SVEP1: variants seen among roughly 807,000 people sequenced by gnomAD.
SVEP1 encodes sushi, von Willebrand factor type A, EGF and pentraxin domain-containing protein 1.
In SVEP1, 164 loss-of-function variants were observed where a neutral mutation model predicts 367.3. The ratio of observed to expected loss-of-function variants is 0.45; its 90% CI spans 0.39 to 0.51. The LOEUF (loss-of-function observed/expected upper bound fraction) is 0.51, where lower values mean the gene tolerates loss of function less well. Ranked by LOEUF, SVEP1 falls within the 20% of genes least tolerant of loss-of-function variation. The probability of loss-of-function intolerance (pLI) is 0.00; values close to 1 mark genes in which losing one functional copy is unlikely to be tolerated. For missense variants in SVEP1, 4,117 were observed against 4,425.3 expected (o/e 0.93, Z 1.98); for synonymous variants, 1,666 against 1,611.6 (o/e 1.03, Z -0.81).
chr9:110,465,725 A>C (rs967949749), intron 18 of SVEP1, 140 bp downstream of exon 18: 2 of 1,148,936 alleles, frequency 1.7e-6, no homozygotes, highest in African/African-American at 3.1e-5. Flanking sequence ...CTAAACAAAC[A>C]AAAAAACCTC....
intron 23 of SVEP1, among the ~76,000 whole-genome samples, chr9:110,451,003 A>G (rs1269423656): frequency 6.6e-6 from 1 of 152,178 alleles, no homozygotes; most frequent in Non-Finnish European, 1.5e-5. Flanking sequence ...ATGATATTAC[A>G]TGATTTGTCT....
At chr9:110,515,542 C>T (rs907567097) in intron 3 of SVEP1, among the ~76,000 whole-genome samples, 1 of 152,032 alleles carries the variant, frequency 6.6e-6, no homozygotes, top group Non-Finnish European at 1.5e-5. Flanking sequence ...CCTCATGATC[C>T]GCCCGCCTCA....
At chr9:110,465,782 T>A in intron 18 of SVEP1, 83 bp downstream of exon 18, 3 of 1,481,462 alleles carry the variant, frequency 2.0e-6, no homozygotes, top group Non-Finnish European at 2.7e-6. Flanking sequence ...AGTAGATGTA[T>A]GTTTTTGCAG....
intron 9 of SVEP1, among the ~76,000 whole-genome samples, chr9:110,485,577 G>A (rs1483488235): frequency 6.6e-6 from 1 of 151,936 alleles, no homozygotes; most frequent in Middle Eastern, 3.2e-3. Flanking sequence ...CTTGTATCCT[G>A]GAACTTAAAA....
chr9:110,514,074 A>G lies in SVEP1; in HGVS notation c.997T>C (p.Ser333Pro). The change falls in exon 4 of 48, where the codon TCA becomes CCA. Residue 333 changes from serine to proline, a missense_variant. By Grantham distance (74) the Ser-to-Pro change is moderately conservative. Transcript: ENST00000374469. Reference protein sequence around the residue: ...CPSGTYKPEGSPGGISSCIPC... With the variant: ...CPSGTYKPEGPPGGISSCIPC... ...ATGCAACTGCTGATTCCTCCTGGTG[A>G]GCCTTCAGGTTTGTATGTCCCCGAT... The G allele has an allele frequency of 1.2e-6, 2 of 1,611,148 alleles. No homozygotes were observed. The highest frequency in any genetic ancestry group is 8.5e-7 in the Non-Finnish European group (1 of 1,178,620).
chr9:110,485,081 T>C (rs1454244947), intron 9 of SVEP1, among the ~76,000 whole-genome samples: 1 of 152,238 alleles, frequency 6.6e-6, no homozygotes, highest in Non-Finnish European at 1.5e-5. Flanking sequence ...ATCCCATTAC[T>C]GGGTATATAC....
intron 40 of SVEP1, among the ~76,000 whole-genome samples, chr9:110,396,653 T>C (rs934417498): frequency 1.5e-5 from 2 of 133,530 alleles, no homozygotes; most frequent in African/African-American, 5.8e-5. Flanking sequence ...TAAAAAATGA[T>C]AGAGGGGATA....
At chr9:110,502,261 C>T (rs908866496) in intron 6 of SVEP1, among the ~76,000 whole-genome samples, 5 of 151,820 alleles carry the variant, frequency 3.3e-5, no homozygotes, top group Non-Finnish European at 7.4e-5. Context: ...TGCCACCACA[C>T]CTAGCTATTT....
chr9:110,527,883 T>C (rs1829960765), intron 3 of SVEP1, among the ~76,000 whole-genome samples: 1 of 151,694 alleles, frequency 6.6e-6, no homozygotes, highest in Admixed American at 6.6e-5. Flanking sequence ...GAGTCTCCAA[T>C]GTCCATTATA....
At chr9:110,528,156 G>GTGTGTGTGTATGTATATATATATA in intron 3 of SVEP1, among the ~76,000 whole-genome samples, 24 of 33,940 alleles carry the variant, frequency 7.1e-4, no homozygotes, top group Non-Finnish European at 1.3e-3. Flanking sequence ...GTGTGTGTGT[G>GTGTGTGTGTATGTATATATATATA]TATATATATA....
intron 1 of SVEP1, among the ~76,000 whole-genome samples, chr9:110,552,190 C>T (rs540414617): frequency 3.9e-4 from 59 of 152,034 alleles, no homozygotes; most frequent in African/African-American, 1.1e-3. Flanking sequence ...TACCACCATG[C>T]CCAGCTAATT....
intron 1 of SVEP1, among the ~76,000 whole-genome samples, chr9:110,573,875 T>G (rs1830594469): frequency 1.3e-5 from 2 of 152,166 alleles, no homozygotes; most frequent in Non-Finnish European, 1.5e-5. Flanking sequence ...GGTGCTAAAC[T>G]TTCCCCCAGG....
intron 5 of SVEP1, among the ~76,000 whole-genome samples, chr9:110,505,702 C>T (rs1429048813): frequency 6.6e-6 from 1 of 151,590 alleles, no homozygotes; most frequent in Non-Finnish European, 1.5e-5. Flanking sequence ...TCTCTTTTTT[C>T]TCTCTCTCTT....
At chr9:110,382,976 T>C (rs1827461116) in intron 43 of SVEP1, among the ~76,000 whole-genome samples, 1 of 152,212 alleles carries the variant, frequency 6.6e-6, no homozygotes, top group Non-Finnish European at 1.5e-5. Flanking sequence ...ATCCTGGTTC[T>C]TGGCGTCTTT....
chr9:110,479,026 T>C (rs10980407), intron 13 of SVEP1, among the ~76,000 whole-genome samples: 22,845 of 151,994 alleles, frequency 0.15, 2,299 homozygotes, highest in East Asian at 0.43. Flanking sequence ...CAAGTGATTC[T>C]CCTGCCTCAG....
At chr9:110,519,395 T>C (rs1021012467) in intron 3 of SVEP1, among the ~76,000 whole-genome samples, 23 of 152,296 alleles carry the variant, frequency 1.5e-4, no homozygotes, top group African/African-American at 4.8e-4. Context: ...ATCTTCCACT[T>C]CTGCATTTCT....
rs765487682 is a variant in SVEP1, at chr9:110,481,410, GT to G, written c.2196del (p.Pro733LeufsTer2). On this transcript the variant is annotated frameshift_variant, in exon 12 of 48. Coordinates refer to ENST00000374469, the MANE Select transcript of SVEP1 (RefSeq NM_153366.4). LOFTEE classifies it high-confidence loss of function. ...IKGSPCEIPF[T>X]PVNGDFICTP... ...GTGCATATAAAATCCCCATTTACAG[GT>G]GTGAATGGAATTTCACAGGGAGAAC... 1 of 1,593,444 alleles carries G rather than the reference GT, an allele frequency of 6.3e-7. No homozygotes were observed. Among genetic ancestry groups the G allele is most frequent in the South Asian group, 1.1e-5 (1 of 87,056 alleles).
chr9:110,579,149 T>C lies in SVEP1; in HGVS notation c.395A>G (p.Tyr132Cys), dbSNP rs2118899261. ...VAIVTFSSKN[Y>C]VVPRVDYIST... ...GATGTAATCGACGCGCGGCACCACG[T>C]AGTTCTTGGACGAGAAGGTCACGAT... The change falls in exon 1 of 48, where the codon TAC becomes TGC. Residue 132 changes from tyrosine to cysteine, a missense_variant. Around this residue, in one of 4 missense-constraint regions of SVEP1, gnomAD observed 2,174 missense variants for 2,494.3 expected, o/e 0.87. Coordinates refer to ENST00000374469, the MANE Select transcript of SVEP1 (RefSeq NM_153366.4). The surrounding 1 kb of genome is among the most constrained non-coding windows in gnomAD (Gnocchi z 5.3). The C allele has an allele frequency of 6.4e-7, 1 of 1,560,020 alleles. No homozygotes were observed. The highest frequency in any genetic ancestry group is 1.2e-5 in the South Asian group (1 of 84,572).
At chr9:110,531,974 A>G (rs1182257762) in intron 3 of SVEP1, among the ~76,000 whole-genome samples, 1 of 152,186 alleles carries the variant, frequency 6.6e-6, no homozygotes, top group African/African-American at 2.4e-5. Flanking sequence ...TTATTTTGAT[A>G]CTAAGCCAGT....
Sources: allele counts gnomAD v4.1 joint callset (sites outside exome capture counted in the v4.1 genomes callset), GRCh38; gene constraint gnomAD v4.1.1; regional missense constraint gnomAD v4.1.1; non-coding constraint Gnocchi (gnomAD v3.1); transcripts MANE v1.5; gene names NCBI Gene and HGNC (gene_info 2026-07-23, HGNC 2026-07-21).